OAF: variants seen among roughly 807,000 people sequenced by gnomAD.
OAF encodes out at first homolog, also known as out at first protein homolog.
OAF carries 13 observed loss-of-function variants against 22.5 expected under a neutral mutation model. That is an observed-to-expected ratio of 0.58 (90% CI 0.38 to 0.92). OAF has a LOEUF of 0.92. OAF is among the 40% of genes least tolerant of loss of function. The pLI, the probability that OAF is intolerant of heterozygous loss-of-function variation, is 0.00. For missense variants in OAF, 347 were observed against 381.8 expected (o/e 0.91, Z 0.76); for synonymous variants, 175 against 170.5 (o/e 1.03, Z -0.21).
At chr11:120,225,531 C>T in intron 1 of OAF, 130 bp from the exon 2 acceptor site, 1 of 694,372 alleles carries the variant, frequency 1.4e-6, no homozygotes. Flanking sequence ...ATTCCTAGAC[C>T]AGCAGGAGGG....
chr11:120,212,254 G>C (rs938497286), intron 1 of OAF, among the ~76,000 whole-genome samples: 1 of 147,370 alleles, frequency 6.8e-6, no homozygotes, highest in African/African-American at 2.5e-5. Flanking sequence ...CGGTGGGTGG[G>C]TGGGTGGGTG....
intron 1 of OAF, 100 bp downstream of exon 1, chr11:120,211,610 G>A: frequency 1.2e-6 from 1 of 857,222 alleles, no homozygotes; most frequent in Non-Finnish European, 1.7e-6. Flanking sequence ...GCCCAGGAGG[G>A]AGACGCAGCT....
In OAF at chr11:120,225,794, A is replaced by G. The variant is rs1167025965; in HGVS notation, c.365A>G (p.Gln122Arg). Residue 122 changes from glutamine (Q) to arginine (R), a missense_variant and splice_region_variant, in exon 2 of 4, where the codon CAG becomes CGG. Transcript: ENST00000328965. ...AGTGAGGCCATGGCCAAGCTCCGGC[A>G]GGTAAGTGCCCCACCAGGCCTGCCT... is the stretch of plus-strand genomic sequence containing the variant. ...IPSEAMAKLR[Q>R]KNPRAVRQAE... 3.8e-6 allele frequency: 6 copies of G among 1,598,236 alleles called. No individual in the cohort carries two copies. The highest frequency in any genetic ancestry group is 5.1e-6 in the Non-Finnish European group (6 of 1,173,324).
chr11:120,220,115 C>A (rs1306255670), intron 1 of OAF, among the ~76,000 whole-genome samples: 1 of 152,190 alleles, frequency 6.6e-6, no homozygotes, highest in Admixed American at 6.5e-5. Context: ...TCCATGAGGA[C>A]AGAGACCATC....
Position 120,228,863 on chromosome 11 carries a change from C to A in OAF, c.548-5C>A. ...CCCTCCCTGATCCTTGCCTCTCTCCCCCAGGTGTGGACAGTTCTGTGTTCG... is the reference window on the plus strand; with the variant it reads ...CCCTCCCTGATCCTTGCCTCTCTCCACCAGGTGTGGACAGTTCTGTGTTCG... On this transcript the variant is annotated splice_region_variant and splice_polypyrimidine_tract_variant and intron_variant, in intron 3 of 3. Coordinates refer to ENST00000328965, the MANE Select transcript of OAF (RefSeq NM_178507.4). 1.3e-6 allele frequency: 2 copies of A among 1,512,556 alleles called. No homozygotes were observed. Among genetic ancestry groups the A allele is most frequent in the Non-Finnish European group, 1.8e-6 (2 of 1,116,618 alleles). The allele number at this position is 1,512,556 out of a possible 1,614,324, so 93.7% of individuals were successfully genotyped here.
chr11:120,222,153 C>T (rs1249142907), intron 1 of OAF, among the ~76,000 whole-genome samples: 2 of 152,126 alleles, frequency 1.3e-5, no homozygotes, highest in Non-Finnish European at 2.9e-5. Flanking sequence ...GAGTGGAAAG[C>T]GGGAGGGACA....
Position 120,211,270 on chromosome 11 carries a change from G to GC in OAF, c.-5dup. 8.2e-7 allele frequency: 1 copy of GC among 1,214,568 alleles called. No individual in the cohort carries two copies. Among genetic ancestry groups the GC allele is most frequent in the Non-Finnish European group, 1.0e-6 (1 of 976,184 alleles). The allele number at this position is 1,214,568 out of a possible 1,614,324, so 75.2% of individuals were successfully genotyped here. On this transcript the variant is annotated 5_prime_UTR_variant, in exon 1 of 4. Coordinates refer to ENST00000328965, the MANE Select transcript of OAF (RefSeq NM_178507.4). ...CGCGCCGGGGCCGCGGACGGCAGCGGCCCCCGGGGATGCGCCTTCCCGGGG... is the reference window on the plus strand; with the variant it reads ...CGCGCCGGGGCCGCGGACGGCAGCGGCCCCCCGGGGATGCGCCTTCCCGGGG...
intron 1 of OAF, among the ~76,000 whole-genome samples, chr11:120,219,308 G>A (rs187961394): frequency 2.6e-5 from 4 of 152,154 alleles, no homozygotes; most frequent in Non-Finnish European, 1.5e-5. Context: ...GAAAGAGGAC[G>A]GTGTGCGCGA....
chr11:120,214,782 A>G lies in OAF; in HGVS notation c.231+3272A>G, dbSNP rs891967992. Among the ~76,000 whole-genome samples, 21 of 152,268 alleles carry G rather than the reference A, an allele frequency of 1.4e-4. 1 individual carries two copies. The highest frequency in any genetic ancestry group is 1.4e-3 in the Admixed American group (21 of 15,288). The stretch of plus-strand genomic sequence containing the variant: ...CAGTCGTCAACCCACTGGAGGACAC[A>G]TAGCCTGGAGCCCAGGTGAGGCTTG... On this transcript the variant is annotated intron_variant, in intron 1 of 3. Transcript: ENST00000328965.
At chr11:120,225,868 G>T in intron 2 of OAF, 73 bp downstream of exon 2, 1 of 1,411,622 alleles carries the variant, frequency 7.1e-7, no homozygotes. Flanking sequence ...CCATCCCGCA[G>T]ACCCGGCCCA....
At chr11:120,222,968 G>A (rs549274252) in intron 1 of OAF, among the ~76,000 whole-genome samples, 11 of 152,326 alleles carry the variant, frequency 7.2e-5, no homozygotes, top group Middle Eastern at 3.4e-3. Flanking sequence ...AGGCAGGCGG[G>A]TTAGAAGGGT....
chr11:120,225,266 AC>A (rs1217198783), intron 1 of OAF, among the ~76,000 whole-genome samples: 11 of 151,902 alleles, frequency 7.2e-5, no homozygotes, highest in African/African-American at 2.7e-4. Context: ...AGCCATTACA[AC>A]TACAAAGAAA....
At position 120,228,968 on chromosome 11, in the gene OAF, C is replaced by T; in HGVS notation, c.648C>T (p.Cys216=). Residue 216 remains cysteine, a synonymous_variant, in exon 4 of 4, where the codon TGC becomes TGT. Transcript: ENST00000328965. ...QVGDHGKPCV[C]RYGLSLAWYP... Reference sequence around the variant, plus strand: ...GGGACCACGGGAAGCCCTGCGTCTGCCGCTATGGCCTGAGCCTGGCCTGGT... The same window carrying T: ...GGGACCACGGGAAGCCCTGCGTCTGTCGCTATGGCCTGAGCCTGGCCTGGT... 4 of 1,612,992 alleles carry T rather than the reference C, an allele frequency of 2.5e-6. No individual in the cohort carries two copies. The highest frequency in any genetic ancestry group is 3.4e-6 in the Non-Finnish European group (4 of 1,179,938).
intron 3 of OAF, 138 bp downstream of exon 3, chr11:120,227,134 T>C: frequency 1.7e-6 from 1 of 593,784 alleles, no homozygotes; most frequent in Non-Finnish European, 2.9e-6. Flanking sequence ...GCCTTTCCTT[T>C]GTTCAGGAGA....
At chr11:120,220,690 C>T (rs2135093879) in intron 1 of OAF, among the ~76,000 whole-genome samples, 1 of 152,286 alleles carries the variant, frequency 6.6e-6, no homozygotes, top group Middle Eastern at 3.4e-3. Flanking sequence ...CAAGGCACAG[C>T]TGAGACAGCT....
intron 3 of OAF, 67 bp downstream of exon 3, chr11:120,227,063 C>A: frequency 8.5e-7 from 1 of 1,171,520 alleles, no homozygotes; most frequent in Non-Finnish European, 1.2e-6. Flanking sequence ...CAGCACAGAG[C>A]AGTGGAGGAG....
At chr11:120,211,537 G>A in intron 1 of OAF, 27 bp downstream of exon 1, 1 of 1,417,228 alleles carries the variant, frequency 7.1e-7, no homozygotes, top group East Asian at 2.8e-5. Context: ...CGCCGGGGTG[G>A]CACCTTCAAG....
At chr11:120,227,974 C>T (rs186918874) in intron 3 of OAF, among the ~76,000 whole-genome samples, 93 of 152,284 alleles carry the variant, frequency 6.1e-4, no homozygotes, top group Middle Eastern at 3.4e-3. Flanking sequence ...TCTCCTCCAG[C>T]GCCCCAATAT....
chr11:120,224,482 A>G (rs1261721878), intron 1 of OAF, among the ~76,000 whole-genome samples: 1 of 152,188 alleles, frequency 6.6e-6, no homozygotes, highest in Non-Finnish European at 1.5e-5. Context: ...GGACTCACTA[A>G]TACATTGCAG....
Sources: allele counts gnomAD v4.1 joint callset (sites outside exome capture counted in the v4.1 genomes callset), GRCh38; gene constraint gnomAD v4.1.1; transcripts MANE v1.5; gene names NCBI Gene and HGNC (gene_info 2026-07-23, HGNC 2026-07-21).